The following TMEM87A variants were observed in gnomAD, a reference collection of about 807,000 sequenced individuals.
TMEM87A encodes Golgi-pH regulating cation channel.
A neutral mutation model predicts 90.0 loss-of-function variants in TMEM87A; 50 were observed. The observed-to-expected ratio is 0.56, with a 90% CI of 0.44 to 0.70. The LOEUF (loss-of-function observed/expected upper bound fraction) is 0.70. Ranked by LOEUF, TMEM87A falls within the 30% of genes least tolerant of loss-of-function variation. The probability of loss-of-function intolerance (pLI) is 0.00; values close to 1 mark genes in which losing one functional copy is unlikely to be tolerated. For missense variants in TMEM87A, 577 were observed against 660.5 expected (o/e 0.87, Z 1.39); for synonymous variants, 226 against 226.7 (o/e 1.00, Z 0.03).
chr15:42,212,262 ATAAT>A (rs1275416695), intron 19 of TMEM87A, among the ~76,000 whole-genome samples: 2 of 152,206 alleles, frequency 1.3e-5, no homozygotes, highest in East Asian at 3.8e-4. Context: ...TTCAATTAAA[ATAAT>A]TAATGTACTA....
At chr15:42,217,420 T>C (rs2140911887) in intron 19 of TMEM87A, among the ~76,000 whole-genome samples, 1 of 152,356 alleles carries the variant, frequency 6.6e-6, no homozygotes, top group Admixed American at 6.5e-5. Context: ...TTAGATTTTG[T>C]TTTGGTCTAC....
chr15:42,260,766 A>G (rs1374776391), intron 6 of TMEM87A, among the ~76,000 whole-genome samples, 192 bp downstream of exon 6: 2 of 152,226 alleles, frequency 1.3e-5, no homozygotes, highest in Non-Finnish European at 2.9e-5. Context: ...AAAATTCAGA[A>G]AACACAAAGA....
chr15:42,266,645 G>A (rs1207566479), intron 3 of TMEM87A, among the ~76,000 whole-genome samples: 2 of 152,022 alleles, frequency 1.3e-5, no homozygotes, highest in Non-Finnish European at 2.9e-5. Context: ...AATTCTACTA[G>A]CAGTCATATT....
chr15:42,268,624 A>C (rs2051452405), intron 2 of TMEM87A, among the ~76,000 whole-genome samples: 1 of 152,184 alleles, frequency 6.6e-6, no homozygotes, highest in African/African-American at 2.4e-5. Context: ...CCATGATGGT[A>C]CCACTGCACT....
chr15:42,257,932 C>T (rs1193060738), intron 6 of TMEM87A: 1 of 983,916 alleles, frequency 1.0e-6, no homozygotes, highest in Admixed American at 6.2e-5. Flanking sequence ...ACTGCTAAAA[C>T]TATTAGAACA....
At chr15:42,220,270 T>C (rs2050453386) in intron 15 of TMEM87A, 135 bp from the exon 16 acceptor site, 1 of 648,420 alleles carries the variant, frequency 1.5e-6, no homozygotes, top group African/African-American at 1.9e-5. Flanking sequence ...ATAATATTTC[T>C]TCCCCTTCAG....
At chr15:42,252,341 G>T (rs2051102664) in intron 6 of TMEM87A, among the ~76,000 whole-genome samples, 1 of 151,954 alleles carries the variant, frequency 6.6e-6, no homozygotes, top group Admixed American at 6.6e-5. Context: ...ATCACGCTGG[G>T]AGCTGTAGAC....
At chr15:42,248,859 G>T (rs1292479800) in intron 6 of TMEM87A, among the ~76,000 whole-genome samples, 1 of 152,178 alleles carries the variant, frequency 6.6e-6, no homozygotes, top group Non-Finnish European at 1.5e-5. Flanking sequence ...AGAAGGAATG[G>T]TACCAGCTCC....
chr15:42,251,192 C>G (rs1425959954), intron 6 of TMEM87A, among the ~76,000 whole-genome samples: 1 of 152,112 alleles, frequency 6.6e-6, no homozygotes, highest in African/African-American at 2.4e-5. Context: ...GAACATCCTC[C>G]TTTAGCTCAG....
chr15:42,258,632 G>A, intron 6 of TMEM87A: 1 of 791,454 alleles, frequency 1.3e-6, no homozygotes, highest in Middle Eastern at 5.6e-4. Flanking sequence ...TCACCACATT[G>A]GCCAAGCTGG....
chr15:42,256,771 G>A (rs927596528), intron 6 of TMEM87A, among the ~76,000 whole-genome samples: 9 of 152,198 alleles, frequency 5.9e-5, no homozygotes, highest in Admixed American at 3.3e-4. Flanking sequence ...CGCCTAGAGT[G>A]AAGTGGTGTG....
intron 6 of TMEM87A, among the ~76,000 whole-genome samples, chr15:42,259,627 G>A (rs372975828): frequency 2.0e-5 from 3 of 152,134 alleles, no homozygotes; most frequent in African/African-American, 7.2e-5. Context: ...AACTTAAAAG[G>A]AAAAATTGGA....
chr15:42,260,404 T>C (rs942498915), intron 6 of TMEM87A, among the ~76,000 whole-genome samples: 1 of 152,196 alleles, frequency 6.6e-6, no homozygotes, highest in Non-Finnish European at 1.5e-5. Flanking sequence ...TTCTGTAATA[T>C]GTATATTATA....
intron 15 of TMEM87A, among the ~76,000 whole-genome samples, chr15:42,226,162 GTTAA>G (rs1023639000): frequency 3.3e-5 from 5 of 152,034 alleles, no homozygotes; most frequent in African/African-American, 1.2e-4. Flanking sequence ...TCCACACTCA[GTTAA>G]TTTTTGTATT....
intron 19 of TMEM87A, among the ~76,000 whole-genome samples, chr15:42,214,223 T>C (rs2050343655): frequency 6.6e-6 from 1 of 152,186 alleles, no homozygotes; most frequent in African/African-American, 2.4e-5. Context: ...ATGGCTTCTT[T>C]AGTTGAGTCC....
intron 2 of TMEM87A, among the ~76,000 whole-genome samples, chr15:42,269,813 G>A (rs1361317865): frequency 6.8e-6 from 1 of 146,930 alleles, no homozygotes; most frequent in East Asian, 2.0e-4. Context: ...GCGGGCGCCT[G>A]TAGTCCCAGC....
At chr15:42,229,817 T>A (rs963139148) in intron 12 of TMEM87A, among the ~76,000 whole-genome samples, 2 of 152,150 alleles carry the variant, frequency 1.3e-5, no homozygotes, top group African/African-American at 4.8e-5. Context: ...TGGTATCTGC[T>A]CTCACGTTCA....
chr15:42,250,078 G>A lies in TMEM87A; in HGVS notation c.505-5911C>T, dbSNP rs760238034. ...TTAAAGTCTGTTTTATCAGAGACTA[G>A]AATTGCAACCCTGCTTTTTCTTTTG... On this transcript the variant is annotated intron_variant, in intron 6 of 19. Coordinates refer to ENST00000389834, the MANE Select transcript of TMEM87A (RefSeq NM_015497.5). Among the ~76,000 whole-genome samples the A allele has an allele frequency of 4.6e-5, 7 of 152,150 alleles. 1 individual carries two copies. Among genetic ancestry groups the A allele is most frequent in the Admixed American group, 3.9e-4 (6 of 15,268 alleles).
At chr15:42,241,419 C>A (rs1311724427) in intron 7 of TMEM87A, among the ~76,000 whole-genome samples, 2 of 152,068 alleles carry the variant, frequency 1.3e-5, no homozygotes, top group Non-Finnish European at 2.9e-5. Context: ...ATAACATGAA[C>A]AAAACAGCTG....
Sources: gnomAD v4.1 joint callset for allele counts (sites outside exome capture counted in the v4.1 genomes callset) on GRCh38, gnomAD v4.1.1 for gene constraint, MANE v1.5 for transcripts, NCBI Gene and HGNC (gene_info 2026-07-23, HGNC 2026-07-21) for gene names.